CFI: variants seen among roughly 807,000 people sequenced by gnomAD.
CFI encodes C3B/C4B inactivator.
In CFI, 66 loss-of-function variants were observed where a neutral mutation model predicts 78.8. That is an observed-to-expected ratio of 0.84 (90% confidence interval 0.69 to 1.03). The LOEUF is 1.03. Ranked by LOEUF, CFI falls within the 50% of genes least tolerant of loss-of-function variation. CFI has a pLI of 0.00. For missense variants in CFI, 706 were observed against 704.5 expected, an observed-to-expected ratio of 1.00 and a Z score of -0.02; for synonymous variants, 250 against 232.6, an observed-to-expected ratio of 1.07 and a Z score of -0.68.
At chr4:109,731,115 G>A in the CFI span, among the ~76,000 whole-genome samples, 1 of 152,190 alleles carries the variant, frequency 6.6e-6, no homozygotes, top group Non-Finnish European at 1.5e-5. Context: ...CACCTTGGGA[G>A]GCCTGGAACT....
intron 1 of CFI, among the ~76,000 whole-genome samples, chr4:109,789,033 G>A (rs1731061654): frequency 1.3e-5 from 2 of 151,754 alleles, no homozygotes; most frequent in South Asian, 2.1e-4. Flanking sequence ...GATATGAAAA[G>A]GATCCAAATT....
chr4:109,778,230 T>G (rs1729535282), intron 1 of CFI, among the ~76,000 whole-genome samples: 1 of 152,008 alleles, frequency 6.6e-6, no homozygotes, highest in Non-Finnish European at 1.5e-5. Flanking sequence ...ATTGCTAGAC[T>G]GCTAGCAAGA....
intron 12 of CFI, 118 bp from the exon 13 acceptor site, chr4:109,741,228 C>T: frequency 2.6e-6 from 4 of 1,555,788 alleles, no homozygotes; most frequent in Non-Finnish European, 3.5e-6. Flanking sequence ...ACAGCAATAG[C>T]ATGGGCTCTC....
intron 1 of CFI, among the ~76,000 whole-genome samples, chr4:109,768,334 T>TAAAAAA (rs756365540): frequency 2.2e-4 from 14 of 63,176 alleles, no homozygotes; most frequent in Admixed American, 3.8e-4. Context: ...GAAGAAATCC[T>TAAAAAA]AAAAAAAAAA....
intron 11 of CFI, 81 bp downstream of exon 11, chr4:109,746,141 T>C (rs1724385907): frequency 1.3e-6 from 2 of 1,490,010 alleles, no homozygotes; most frequent in Admixed American, 1.8e-5. Flanking sequence ...CTCTGAGTGC[T>C]AGGAAATTAG....
At chr4:109,771,458 A>C (rs1306312123) in intron 1 of CFI, among the ~76,000 whole-genome samples, 2 of 151,090 alleles carry the variant, frequency 1.3e-5, no homozygotes, top group East Asian at 3.9e-4. Context: ...TAATCCCAGC[A>C]CTTTGGGATG....
intron 1 of CFI, among the ~76,000 whole-genome samples, chr4:109,782,357 A>G (rs1307331656): frequency 6.6e-6 from 1 of 151,692 alleles, no homozygotes; most frequent in South Asian, 2.1e-4. Context: ...TACACAAATC[A>G]ATAGCTCTTC....
At chr4:109,773,814 A>G (rs1728886134) in intron 1 of CFI, among the ~76,000 whole-genome samples, 1 of 152,228 alleles carries the variant, frequency 6.6e-6, no homozygotes, top group South Asian at 2.1e-4. Flanking sequence ...CCTGAGGCGC[A>G]TCATCCTACA....
intron 7 of CFI, among the ~76,000 whole-genome samples, chr4:109,755,547 G>T (rs1726020960): frequency 6.6e-6 from 1 of 152,122 alleles, no homozygotes; most frequent in Non-Finnish European, 1.5e-5. Flanking sequence ...TATCTCAGGA[G>T]TGGGTTAGCT....
Position 109,740,798 on chromosome 4 carries a change from T to A in CFI, c.*95A>T, listed in dbSNP as rs1190997557. The A allele has an allele frequency of 1.7e-6, 2 of 1,184,118 alleles. No individual in the cohort carries two copies. Among genetic ancestry groups the A allele is most frequent in the Non-Finnish European group, 2.5e-6 (2 of 802,604 alleles). The allele number at this position is 1,184,118 out of a possible 1,614,324, so 73.4% of individuals were successfully genotyped here. ...AATATCCAGTGAGATTTGCTTCATT[T>A]TTCCCCCCTAGAGAATTATTAATTA... On this transcript the variant is annotated 3_prime_UTR_variant, in exon 13 of 13. Coordinates refer to ENST00000394634, the MANE Select transcript of CFI (RefSeq NM_000204.5).
At chr4:109,769,256 A>G (rs890316744) in intron 1 of CFI, among the ~76,000 whole-genome samples, 3 of 152,116 alleles carry the variant, frequency 2.0e-5, no homozygotes, top group African/African-American at 7.2e-5. Context: ...TTTCTCAGTC[A>G]CTCTTAGATT....
Position 109,761,563 on chromosome 4 carries a change from C to A in CFI, c.612G>T (p.Met204Ile). ...CCACATCAGCGAAATCCTGGTAACC[C>A]ATAGTTCTTCTCTTAGTAAAAGTAC... ...AECTFTKRRT[M>I]GYQDFADVVC... The change falls in exon 4 of 13, where the codon ATG (methionine) becomes ATT (isoleucine). Residue 204 changes from methionine to isoleucine, a missense_variant. Met to Ile is a conservative substitution (Grantham distance 10, BLOSUM62 1). Coordinates refer to ENST00000394634, the MANE Select transcript of CFI (RefSeq NM_000204.5). 1 of 1,614,072 alleles carries A rather than the reference C, an allele frequency of 6.2e-7. No homozygotes were observed. Among genetic ancestry groups the A allele is most frequent in the Non-Finnish European group, 8.5e-7 (1 of 1,179,990 alleles).
intron 1 of CFI, among the ~76,000 whole-genome samples, chr4:109,799,257 T>A (rs1732453231): frequency 6.6e-6 from 1 of 152,236 alleles, no homozygotes; most frequent in Admixed American, 6.5e-5. Context: ...AGATTGCTCA[T>A]TAATCTTGCA....
At chr4:109,752,996 A>C (rs1156355186) in intron 7 of CFI, among the ~76,000 whole-genome samples, 8 of 10,786 alleles carry the variant, frequency 7.4e-4, no homozygotes, top group African/African-American at 1.0e-3. Flanking sequence ...TATTTATAAT[A>C]TATATTTATT....
intron 1 of CFI, among the ~76,000 whole-genome samples, chr4:109,771,193 C>A (rs1367991660): frequency 6.6e-6 from 1 of 150,948 alleles, no homozygotes; most frequent in Non-Finnish European, 1.5e-5. Context: ...AGTTCGAGAC[C>A]AGCCAGGCCA....
intron 1 of CFI, among the ~76,000 whole-genome samples, chr4:109,800,636 A>G (rs1238014388): frequency 1.3e-5 from 2 of 152,104 alleles, no homozygotes; most frequent in Non-Finnish European, 2.9e-5. Context: ...AGTAAAACCG[A>G]AAACAGAAAA....
rs557643305 is a variant in CFI at position 109,794,261 on chromosome 4, T to C, written c.57+7654A>G. The C allele has an allele frequency of 2.0e-5, 3 of 152,328 alleles. No individual in the cohort carries two copies. The South Asian group carries it at 6.2e-4, about 32-fold the overall frequency. 9.4% of individuals were successfully genotyped at this position (152,328 alleles called of 1,614,324 possible). A position where few individuals can be genotyped will look rare whatever the true frequency, so the allele number is the denominator to read the frequency against. On this transcript the variant is annotated intron_variant, in intron 1 of 12. Transcript: ENST00000394634. Reference sequence around the variant, plus strand: ...ATTTTCTCCTTCTGGGGTTCCATTATATATATTTTGGTATGCTTTATGGTG... The same window carrying C: ...ATTTTCTCCTTCTGGGGTTCCATTACATATATTTTGGTATGCTTTATGGTG...
intron 1 of CFI, among the ~76,000 whole-genome samples, chr4:109,774,538 G>A (rs189636851): frequency 1.3e-5 from 2 of 152,246 alleles, no homozygotes; most frequent in East Asian, 1.9e-4. Flanking sequence ...TAAGTAACAG[G>A]GGGAATAGGA....
intron 1 of CFI, among the ~76,000 whole-genome samples, chr4:109,784,522 G>A (rs984226448): frequency 3.3e-5 from 5 of 152,128 alleles, no homozygotes; most frequent in Admixed American, 2.6e-4. Flanking sequence ...GATTTAAAGA[G>A]ATTCTTGTTG....
Sources: allele counts gnomAD v4.1 joint callset (sites outside exome capture counted in the v4.1 genomes callset), GRCh38; gene constraint gnomAD v4.1.1; transcripts MANE v1.5; gene names NCBI Gene and HGNC (gene_info 2026-07-23, HGNC 2026-07-21).